The following PRSS3 variants were observed in gnomAD, a reference collection of about 807,000 sequenced individuals.
The protein encoded by PRSS3 is serine protease 3.
In PRSS3, 14 loss-of-function variants were observed where a neutral mutation model predicts 20.8. The ratio of observed to expected loss-of-function variants is 0.67; its 90% CI spans 0.44 to 1.05. The LOEUF is 1.05. PRSS3 is among the 50% of genes least tolerant of loss of function. PRSS3 has a pLI of 0.00. For missense variants in PRSS3, 237 were observed against 306.4 expected, an observed-to-expected ratio of 0.77 and a Z score of 1.69; for synonymous variants, 91 against 117.6, an observed-to-expected ratio of 0.77 and a Z score of 1.46.
chr9:33,760,181 G>GT (rs57890145), intron 1 of PRSS3, among the ~76,000 whole-genome samples: 545 of 139,370 alleles, frequency 3.9e-3, no homozygotes, highest in Non-Finnish European at 4.2e-3. Flanking sequence ...TATATGTAAG[G>GT]TTTTTTTTTT....
intron 1 of PRSS3, among the ~76,000 whole-genome samples, chr9:33,759,585 G>A (rs1020390564): frequency 6.6e-6 from 1 of 152,128 alleles, no homozygotes; most frequent in Non-Finnish European, 1.5e-5. Context: ...GATATGAGAA[G>A]AGAAGCCGAT....
Position 33,755,233 on chromosome 9 carries a change from A to G in PRSS3, c.-53+4506A>G, listed in dbSNP as rs562660718. On this transcript the variant is annotated intron_variant, in intron 1 of 5. Coordinates refer to the PRSS3 transcript ENST00000342836. ...TTTATTTCCGTTAGCTTTTTGCCTC[A>G]CTCCTCTTGAGGATATTACTTTATT... 3.3e-5 allele frequency among the ~76,000 whole-genome samples: 5 copies of G among 152,046 alleles called. No homozygotes were observed. The South Asian group carries it at 1.0e-3, about 32-fold the overall frequency.
At chr9:33,786,388 AG>A in intron 1 of PRSS3, 1 of 653,496 alleles carries the variant, frequency 1.5e-6, no homozygotes, top group Non-Finnish European at 2.7e-6. Flanking sequence ...GGACCATAAC[AG>A]AGTAATTGTC....
chr9:33,753,159 T>C (rs1318452698), intron 1 of PRSS3, among the ~76,000 whole-genome samples: 1 of 152,208 alleles, frequency 6.6e-6, no homozygotes, highest in Non-Finnish European at 1.5e-5. Flanking sequence ...TTGAATTTTG[T>C]GATGGAAGAT....
upstream of PRSS3, among the ~76,000 whole-genome samples, chr9:33,795,101 G>A (rs1180561818): frequency 1.3e-5 from 2 of 152,340 alleles, no homozygotes; most frequent in East Asian, 3.9e-4. Context: ...ATGAGCCTTA[G>A]ATAAGACTTT....
chr9:33,753,029 A>G (rs1822765938), intron 1 of PRSS3, among the ~76,000 whole-genome samples: 1 of 152,230 alleles, frequency 6.6e-6, no homozygotes, highest in Non-Finnish European at 1.5e-5. Context: ...GGAGATGGAA[A>G]CAGAGATATT....
chr9:33,799,149 G>A lies in PRSS3; in HGVS notation c.713G>A (p.Trp238Ter). ...VYTKVYNYVD[W>*]IKDTIAANS The stretch of plus-strand genomic sequence containing the variant: ...ACCAAGGTCTACAACTATGTGGACT[G>A]GATTAAGGACACCATCGCTGCCAAC... Residue 238 changes from tryptophan to a stop codon, truncating the protein, a stop_gained, in exon 5 of 5, where the codon TGG (tryptophan) becomes TAG (stop). Transcript: ENST00000379405. LOFTEE classifies it high-confidence loss of function. The A allele has an allele frequency of 6.2e-7, 1 of 1,614,176 alleles. No homozygotes were observed. Among genetic ancestry groups the A allele is most frequent in the South Asian group, 1.1e-5 (1 of 91,078 alleles).
rs772795752 is a variant in PRSS3 at position 33,799,046 on chromosome 9, G to C, written c.610G>C (p.Val204Leu). ...TCCCCAGCGTGACTCTGGTGGCCCT[G>C]TGGTCTGCAACGGACAGCTCCAAGG... ...DSCQRDSGGP[V>L]VCNGQLQGVV... is the part of the protein sequence containing the mutation. Residue 204 changes from valine (V) to leucine (L), a missense_variant, in exon 5 of 5, where the codon GTG (valine) becomes CTG (leucine). Coordinates refer to ENST00000379405, the MANE Select transcript of PRSS3 (RefSeq NM_002771.4). 28 of 1,614,120 alleles carry C rather than the reference G, an allele frequency of 1.7e-5. No homozygotes were observed. Among genetic ancestry groups the C allele is most frequent in the Non-Finnish European group, 2.3e-5 (27 of 1,180,044 alleles).
upstream of PRSS3, among the ~76,000 whole-genome samples, chr9:33,791,026 G>A (rs1464889252): frequency 6.6e-6 from 1 of 152,226 alleles, no homozygotes. Context: ...TCAAATTTAT[G>A]TTTTAGTTGC....
intron 1 of PRSS3, among the ~76,000 whole-genome samples, chr9:33,780,337 A>G (rs1377370964): frequency 6.6e-6 from 1 of 152,218 alleles, no homozygotes; most frequent in African/African-American, 2.4e-5. Flanking sequence ...AAGGAGAAAT[A>G]AAATCCTTTT....
intron 1 of PRSS3, among the ~76,000 whole-genome samples, chr9:33,771,864 C>CTTTTCT (rs149325951): frequency 1.5e-5 from 2 of 137,774 alleles, no homozygotes; most frequent in African/African-American, 2.8e-5. Flanking sequence ...TAGTTTCTTT[C>CTTTTCT]TTTCTTTTCT....
At chr9:33,784,602 A>G (rs1432432588) in intron 1 of PRSS3, among the ~76,000 whole-genome samples, 1 of 152,242 alleles carries the variant, frequency 6.6e-6, no homozygotes. Context: ...CCTATAATCA[A>G]TCTTCACCTT....
At chr9:33,767,479 G>A (rs947093581) in intron 1 of PRSS3, among the ~76,000 whole-genome samples, 1 of 152,038 alleles carries the variant, frequency 6.6e-6, no homozygotes, top group Non-Finnish European at 1.5e-5. Context: ...AAGTAATCAA[G>A]TTAAAATGAG....
chr9:33,797,752 T>C, intron 2 of PRSS3, 77 bp from the exon 3 acceptor site: 2 of 1,613,410 alleles, frequency 1.2e-6, no homozygotes, highest in Non-Finnish European at 1.7e-6. Flanking sequence ...AGCAGTGAGC[T>C]TGAGGACCCT....
At chr9:33,760,356 A>G (rs1348207687) in intron 1 of PRSS3, among the ~76,000 whole-genome samples, 2 of 152,134 alleles carry the variant, frequency 1.3e-5, no homozygotes, top group East Asian at 1.9e-4. Flanking sequence ...CAACTTCTGC[A>G]TTTCGTTTTT....
chr9:33,798,474 T>C lies in PRSS3; in HGVS notation c.455-12T>C, dbSNP rs772229889. Reference sequence around the variant, plus strand: ...ATTTCTACTTTCTTTGATCTCTTCCTGATCCTCACAGCTGACTACCCAGAC... The same window carrying C: ...ATTTCTACTTTCTTTGATCTCTTCCCGATCCTCACAGCTGACTACCCAGAC... On this transcript the variant is annotated splice_polypyrimidine_tract_variant and intron_variant, in intron 3 of 4. Coordinates refer to ENST00000379405, the MANE Select transcript of PRSS3 (RefSeq NM_002771.4). The C allele has an allele frequency of 1.9e-6, 3 of 1,609,066 alleles. No homozygotes were observed. Among genetic ancestry groups the C allele is most frequent in the South Asian group, 1.1e-5 (1 of 91,072 alleles).
intron 1 of PRSS3, among the ~76,000 whole-genome samples, chr9:33,777,349 A>G (rs1438255523): frequency 1.3e-5 from 2 of 152,002 alleles, no homozygotes; most frequent in African/African-American, 4.8e-5. Flanking sequence ...ATTGTGAGGA[A>G]GAAATGAAGA....
intron 1 of PRSS3, among the ~76,000 whole-genome samples, chr9:33,759,235 C>T (rs1205817902): frequency 1.3e-5 from 2 of 152,044 alleles, no homozygotes; most frequent in African/African-American, 2.4e-5. Context: ...GATGTGGACC[C>T]CTCCACAGGC....
chr9:33,791,850 C>T (rs1824646112), upstream of PRSS3, among the ~76,000 whole-genome samples: 2 of 152,178 alleles, frequency 1.3e-5, no homozygotes, highest in South Asian at 4.1e-4. Flanking sequence ...ATAAACAGAA[C>T]TATAAACTTC....
Sources: gnomAD v4.1 joint callset for allele counts (sites outside exome capture counted in the v4.1 genomes callset) on GRCh38, gnomAD v4.1.1 for gene constraint, MANE v1.5 for transcripts, NCBI Gene and HGNC (gene_info 2026-07-23, HGNC 2026-07-21) for gene names.